ZFHX4: variants seen among roughly 807,000 people sequenced by gnomAD.
The protein encoded by ZFHX4 is zinc finger homeobox protein 4.
Under a neutral mutation model 267.6 loss-of-function variants are expected in ZFHX4, and 56 were observed. That is an observed-to-expected ratio of 0.21 (90% confidence interval 0.17 to 0.26). The LOEUF (loss-of-function observed/expected upper bound fraction) is 0.26, where lower values mean the gene tolerates loss of function less well. Ranked by LOEUF, ZFHX4 falls within the 10% of genes least tolerant of loss-of-function variation. The probability of loss-of-function intolerance (pLI) is 1.00; values close to 1 mark genes in which losing one functional copy is unlikely to be tolerated. For synonymous variants in ZFHX4, 1,778 were observed against 1,665.6 expected (o/e 1.07, Z -1.64); for missense variants, 4,332 against 4,420.0 (o/e 0.98, Z 0.56).
chr8:76,837,965 C>T (rs1282318889), intron 5 of ZFHX4, among the ~76,000 whole-genome samples: 3 of 152,108 alleles, frequency 2.0e-5, no homozygotes, highest in Non-Finnish European at 4.4e-5. Flanking sequence ...AGCTTGTGCT[C>T]ACCAATTTGT....
In ZFHX4 at chr8:76,855,529, A is replaced by G; in HGVS notation, c.8608A>G (p.Ser2870Gly). The part of the protein sequence containing the change: ...CDDKFLFSLT[S>G]PSIHFNDKDG... ...TGACAAATTTCTCTTTTCTCTCACAAGCCCATCCATCCATTTCAATGACAA... is the reference window on the plus strand; with the variant it reads ...TGACAAATTTCTCTTTTCTCTCACAGGCCCATCCATCCATTTCAATGACAA... Residue 2870 changes from serine to glycine, a missense_variant, in exon 10 of 11, where the codon AGC becomes GGC. Ser to Gly is a moderately conservative substitution (Grantham distance 56). Coordinates refer to ENST00000651372, the MANE Select transcript of ZFHX4 (RefSeq NM_024721.5). 1 of 1,613,868 alleles carries G rather than the reference A, an allele frequency of 6.2e-7. No homozygotes were observed. Among genetic ancestry groups the G allele is most frequent in the Non-Finnish European group, 8.5e-7 (1 of 1,179,866 alleles).
At position 76,866,516 on chromosome 8, in the gene ZFHX4, A is replaced by G. The variant is rs191456123; in HGVS notation, c.*1951A>G. ...TTTTAATCCTGAAGACACTTTTTTGATTGTGTTTCGTAAGAGACAACATGG... is the reference window on the plus strand; with the variant it reads ...TTTTAATCCTGAAGACACTTTTTTGGTTGTGTTTCGTAAGAGACAACATGG... On this transcript the variant is annotated 3_prime_UTR_variant, in exon 11 of 11. Coordinates refer to ENST00000651372, the MANE Select transcript of ZFHX4 (RefSeq NM_024721.5). 624 of 145,384 alleles carry G rather than the reference A, an allele frequency of 4.3e-3. 4 individuals are homozygous for G. The highest frequency in any genetic ancestry group is 6.9e-3 in the Admixed American group (101 of 14,590). 9.0% of individuals were successfully genotyped at this position (145,384 alleles called of 1,614,324 possible).
chr8:76,803,332 G>A (rs1811167198), intron 4 of ZFHX4, among the ~76,000 whole-genome samples: 1 of 151,944 alleles, frequency 6.6e-6, no homozygotes, highest in African/African-American at 2.4e-5. Flanking sequence ...CAGGTCTTTT[G>A]ATGTTTGAAA....
At chr8:76,807,096 C>A (rs879541169) in intron 4 of ZFHX4, among the ~76,000 whole-genome samples, 1 of 152,054 alleles carries the variant, frequency 6.6e-6, no homozygotes, top group Non-Finnish European at 1.5e-5. Context: ...TAAATGTAAT[C>A]ATCACAATAT....
At chr8:76,785,337 G>A (rs1810658280) in intron 4 of ZFHX4, among the ~76,000 whole-genome samples, 1 of 151,972 alleles carries the variant, frequency 6.6e-6, no homozygotes, top group Non-Finnish European at 1.5e-5. Flanking sequence ...TTTAAATGTT[G>A]TCTACAGAAG....
chr8:76,686,407 AT>A (rs1361039700), intron 1 of ZFHX4, among the ~76,000 whole-genome samples: 5 of 152,174 alleles, frequency 3.3e-5, no homozygotes, highest in Non-Finnish European at 7.3e-5. Context: ...CTTCTGCTTA[AT>A]TTGCAGAACT....
At chr8:76,712,539 C>T (rs1053442642) in intron 3 of ZFHX4, among the ~76,000 whole-genome samples, 2 of 151,502 alleles carry the variant, frequency 1.3e-5, no homozygotes, top group South Asian at 4.2e-4. Context: ...ATTGAACTGT[C>T]ATTGTCCCGG....
intron 4 of ZFHX4, among the ~76,000 whole-genome samples, chr8:76,829,075 C>A (rs1811860183): frequency 6.6e-6 from 1 of 152,042 alleles, no homozygotes; most frequent in Admixed American, 6.6e-5. Flanking sequence ...CCAGTTGCCT[C>A]TAAACTTGTG....
intron 3 of ZFHX4, among the ~76,000 whole-genome samples, chr8:76,777,397 A>G (rs2733718): frequency 6.6e-6 from 1 of 152,160 alleles, no homozygotes; most frequent in Non-Finnish European, 1.5e-5. Context: ...GTTGTGGGTC[A>G]CTGTGAATGG....
Position 76,705,272 on chromosome 8 carries a change from C to A in ZFHX4, c.1184C>A (p.Pro395Gln), listed in dbSNP as rs549905596. The part of the protein sequence containing the change: ...SASTSSSAEQ[P>Q]LGITQMPKAE... The stretch of plus-strand genomic sequence containing the variant: ...AGCACCTCGAGCTCAGCAGAGCAGC[C>A]GCTGGGGATTACCCAAATGCCAAAG... The change falls in exon 2 of 11, where the codon CCG (proline) becomes CAG (glutamine). Residue 395 changes from proline (P) to glutamine (Q), a missense_variant. Pro to Gln is a moderately conservative substitution (Grantham distance 76). This residue lies in a region of ZFHX4 where 1,195 missense variants were observed against 1,173.6 expected (regional missense o/e 1.02). Transcript: ENST00000651372. 3.1e-6 allele frequency: 5 copies of A among 1,613,956 alleles called. No individual in the cohort carries two copies. The East Asian group carries it at 1.1e-4, about 36-fold the overall frequency.
intron 4 of ZFHX4, among the ~76,000 whole-genome samples, chr8:76,778,733 A>T (rs2034767161): frequency 6.6e-6 from 1 of 152,180 alleles, no homozygotes; most frequent in South Asian, 2.1e-4. Context: ...TTCCCCCCAG[A>T]GTGAGCTTTA....
At chr8:76,803,589 A>G (rs1487163543) in intron 4 of ZFHX4, among the ~76,000 whole-genome samples, 1 of 152,108 alleles carries the variant, frequency 6.6e-6, no homozygotes, top group Non-Finnish European at 1.5e-5. Flanking sequence ...GTTTGTGTCT[A>G]TCCTCAGCTG....
intron 4 of ZFHX4, among the ~76,000 whole-genome samples, chr8:76,794,204 G>A (rs1425218967): frequency 6.6e-6 from 1 of 152,074 alleles, no homozygotes; most frequent in African/African-American, 2.4e-5. Context: ...TATTAATTTT[G>A]ATAACTTTTG....
rs1246396457 is a variant in ZFHX4, at chr8:76,704,317, G to A, written c.229G>A (p.Ala77Thr). 6.2e-7 allele frequency: 1 copy of A among 1,614,012 alleles called. No homozygotes were observed. Among genetic ancestry groups the A allele is most frequent in the South Asian group, 1.1e-5 (1 of 91,080 alleles). The part of the protein sequence containing the change: ...ENAAATQVTS[A>T]KEIPCNECAT... ...TGCAGCTGCCACTCAGGTTACCTCA[G>A]CAAAGGAGATACCCTGCAACGAATG... Residue 77 changes from alanine to threonine, a missense_variant, in exon 2 of 11, where the codon GCA becomes ACA. Physicochemically the swap from Ala to Thr is moderately conservative, Grantham distance 58 (BLOSUM62 0). Around this residue, in one of 7 missense-constraint regions of ZFHX4, gnomAD observed 1,195 missense variants for 1,173.6 expected, o/e 1.02. Transcript: ENST00000651372.
chr8:76,732,442 T>C (rs1585891522), intron 3 of ZFHX4, among the ~76,000 whole-genome samples: 1 of 151,916 alleles, frequency 6.6e-6, no homozygotes, highest in African/African-American at 2.4e-5. Flanking sequence ...ATTTAAAATG[T>C]AGCTAAAAAT....
chr8:76,720,431 C>T (rs117084784), intron 3 of ZFHX4, among the ~76,000 whole-genome samples: 117 of 152,224 alleles, frequency 7.7e-4, no homozygotes, highest in Non-Finnish European at 1.5e-3. Flanking sequence ...ACATTTGGGT[C>T]GTTTCCACTT....
At chr8:76,823,417 T>C (rs1400666168) in intron 4 of ZFHX4, among the ~76,000 whole-genome samples, 3 of 152,228 alleles carry the variant, frequency 2.0e-5, no homozygotes. Flanking sequence ...AAACATTTCA[T>C]GGATATGCAT....
At position 76,848,913 on chromosome 8, in the gene ZFHX4, C is replaced by T. The variant is rs117051653; in HGVS notation, c.3512-82C>T. 1.9e-3 allele frequency: 2,503 copies of T among 1,338,546 alleles called. 58 individuals carry two copies. The East Asian group carries it at 0.047, about 25-fold the overall frequency. The allele number at this position is 1,338,546 out of a possible 1,614,324, so 82.9% of individuals were successfully genotyped here. Reference sequence around the variant, plus strand: ...TTTTGTGATTCAGTGTGTTTAGAGTCGCAAATGTTTGAAAAACATAATTTT... The same window carrying T: ...TTTTGTGATTCAGTGTGTTTAGAGTTGCAAATGTTTGAAAAACATAATTTT... On this transcript the variant is annotated intron_variant, in intron 6 of 10. Coordinates refer to ENST00000651372, the MANE Select transcript of ZFHX4 (RefSeq NM_024721.5).
intron 5 of ZFHX4, among the ~76,000 whole-genome samples, chr8:76,834,981 T>A (rs975766524): frequency 2.6e-5 from 4 of 151,330 alleles, no homozygotes; most frequent in Admixed American, 1.3e-4. Context: ...TGTTTGTAGC[T>A]TCTTAAAGAA....
Sources: gnomAD v4.1 joint callset for allele counts (sites outside exome capture counted in the v4.1 genomes callset) on GRCh38, gnomAD v4.1.1 for gene constraint, gnomAD v4.1.1 regional missense constraint, MANE v1.5 for transcripts, NCBI Gene and HGNC (gene_info 2026-07-23, HGNC 2026-07-21) for gene names.